Variants in CECR2 observed in about 807,000 individuals in gnomAD.
The protein encoded by CECR2 is chromatin remodeling regulator CECR2.
A neutral mutation model predicts 154.5 loss-of-function variants in CECR2; 30 were observed. That is an observed-to-expected ratio of 0.19 (90% CI 0.15 to 0.26). The LOEUF is 0.26. Among genes scored for constraint, CECR2 ranks in the 10% least tolerant of loss-of-function variants. CECR2 has a pLI of 1.00. For missense variants in CECR2, 1,743 were observed against 1,829.3 expected (o/e 0.95, Z 0.86); for synonymous variants, 725 against 683.7 (o/e 1.06, Z -0.94).
chr22:17,552,623 A>G (rs2056724959), intron 18 of CECR2, among the ~76,000 whole-genome samples: 1 of 152,060 alleles, frequency 6.6e-6, no homozygotes, highest in Non-Finnish European at 1.5e-5. Flanking sequence ...CCCAGTGTGC[A>G]AGTCCTACTA....
intron 7 of CECR2, among the ~76,000 whole-genome samples, chr22:17,510,804 A>G (rs2055933203): frequency 1.3e-5 from 2 of 151,980 alleles, no homozygotes; most frequent in Admixed American, 6.6e-5. Context: ...ATGGGGTTTC[A>G]CCATGTTGGT....
At chr22:17,396,858 G>A (rs1386088820) in intron 1 of CECR2, among the ~76,000 whole-genome samples, 1 of 152,198 alleles carries the variant, frequency 6.6e-6, no homozygotes, top group Non-Finnish European at 1.5e-5. Context: ...ATGACAGGAC[G>A]TGAAGTAGAA....
At position 17,530,161 on chromosome 22, in the gene CECR2, TC is replaced by T. The variant is rs549000685; in HGVS notation, c.1108+5893del. ...TGCTGATGGTCACTCATCTTGGAGT[TC>T]CCTGAATTTTTTTTTTTTTTCAAAA... On this transcript the variant is annotated intron_variant, in intron 9 of 18. Transcript: ENST00000262608. Among the ~76,000 whole-genome samples the T allele has an allele frequency of 4.0e-5, 6 of 148,660 alleles. No individual in the cohort carries two copies. In the South Asian group the frequency reaches 1.3e-3, roughly 31 times the overall value.
rs200102476 is a variant in CECR2, at chr22:17,524,387, CTTTTTTTTTTTT to C, written c.1108+128_1108+139del. On this transcript the variant is annotated intron_variant, in intron 9 of 18. Transcript: ENST00000262608. ...GCATCCAAGTTGTTTCCGGCAATTT[CTTTTTTTTTTTT>C]TTTTTTTTTTTGAGACGGAGTCTCG... The C allele has an allele frequency of 7.1e-5, 28 of 392,366 alleles. 2 individuals are homozygous for C. Among genetic ancestry groups the C allele is most frequent in the South Asian group, 1.2e-4 (5 of 42,964 alleles). The allele number at this position is 392,366 out of a possible 1,614,324, so 24.3% of individuals were successfully genotyped here.
At chr22:17,453,664 C>G (rs894045904) in intron 1 of CECR2, among the ~76,000 whole-genome samples, 3 of 152,148 alleles carry the variant, frequency 2.0e-5, no homozygotes, top group African/African-American at 4.8e-5. Context: ...ATGATACCAA[C>G]ATGACTGGCA....
At chr22:17,437,304 C>T (rs901757049) in intron 1 of CECR2, among the ~76,000 whole-genome samples, 3 of 152,062 alleles carry the variant, frequency 2.0e-5, no homozygotes, top group Non-Finnish European at 4.4e-5. Context: ...TTGTTTCACG[C>T]GTTGTCGGGA....
At chr22:17,381,876 G>A (rs1169865536) in intron 1 of CECR2, among the ~76,000 whole-genome samples, 1 of 145,996 alleles carries the variant, frequency 6.8e-6, no homozygotes, top group Non-Finnish European at 1.5e-5. Context: ...AGGTCAGAGA[G>A]CCCCCACATT....
At chr22:17,446,302 G>C (rs965728372) in intron 1 of CECR2, among the ~76,000 whole-genome samples, 6 of 152,198 alleles carry the variant, frequency 3.9e-5, no homozygotes, top group Non-Finnish European at 4.4e-5. Flanking sequence ...AGTGAGCCTA[G>C]GAGCTATGAT....
At chr22:17,447,661 A>AG (rs985065937) in intron 1 of CECR2, among the ~76,000 whole-genome samples, 1 of 151,394 alleles carries the variant, frequency 6.6e-6, no homozygotes. Flanking sequence ...TTAAAAAAAA[A>AG]AAAGAAAAGC....
chr22:17,462,513 A>G (rs1221304113), intron 1 of CECR2, among the ~76,000 whole-genome samples: 1 of 152,194 alleles, frequency 6.6e-6, no homozygotes, highest in Non-Finnish European at 1.5e-5. Context: ...CACGAAAGCA[A>G]TATTGTCAGA....
intron 9 of CECR2, chr22:17,524,805 AGG>A (rs1394073966): frequency 1.1e-5 from 4 of 354,374 alleles, no homozygotes; most frequent in Non-Finnish European, 1.7e-5. Context: ...CCGAGTAGCT[AGG>A]ACTATAGGCG....
chr22:17,444,174 G>A (rs2054624409), intron 1 of CECR2, among the ~76,000 whole-genome samples: 1 of 152,146 alleles, frequency 6.6e-6, no homozygotes, highest in Non-Finnish European at 1.5e-5. Flanking sequence ...TTCAGGCCCT[G>A]GTGGTTTCTT....
intron 1 of CECR2, among the ~76,000 whole-genome samples, chr22:17,428,824 G>A (rs957916188): frequency 2.7e-5 from 4 of 148,952 alleles, no homozygotes; most frequent in African/African-American, 5.1e-5. Context: ...GTGTGTGTGT[G>A]TGTATATAAA....
chr22:17,518,689 G>A, intron 8 of CECR2: 2 of 444,318 alleles, frequency 4.5e-6, no homozygotes, highest in Non-Finnish European at 9.1e-6. Flanking sequence ...ATGAATTACT[G>A]TTTGCATTCA....
intron 2 of CECR2, among the ~76,000 whole-genome samples, chr22:17,490,950 G>A (rs932937295): frequency 2.1e-4 from 32 of 152,206 alleles, no homozygotes; most frequent in African/African-American, 7.5e-4. Context: ...AGTGTTGTAG[G>A]CCCATCTTAT....
chr22:17,409,130 T>TGTTTG lies in CECR2; in HGVS notation c.126+39221_126+39222insGTTTG, dbSNP rs113276392. Among the ~76,000 whole-genome samples, 169 of 152,082 alleles carry TGTTTG rather than the reference T, an allele frequency of 1.1e-3. 1 individual carries two copies. The highest frequency in any genetic ancestry group is 3.9e-3 in the African/African-American group (160 of 41,440). ...TAAATGTTGTTGTTTTCTTGTTTTT[T>TGTTTG]TTTGTTTGTTTGTTTGTTTTTGAGA... On this transcript the variant is annotated intron_variant, in intron 1 of 18. Coordinates refer to ENST00000262608, the MANE Select transcript of CECR2 (RefSeq NM_001290047.2).
At chr22:17,552,202 ATGACAACCT>A in intron 18 of CECR2, 60 bp downstream of exon 18, 1 of 1,439,400 alleles carries the variant, frequency 6.9e-7, no homozygotes, top group South Asian at 1.1e-5. Context: ...AAGTAAGTAT[ATGACAACCT>A]TGCTGTTCTG....
intron 5 of CECR2, 47 bp downstream of exon 5, chr22:17,500,782 C>A: frequency 7.8e-7 from 1 of 1,282,252 alleles, no homozygotes; most frequent in Non-Finnish European, 1.1e-6. Context: ...GCAGAAGGGA[C>A]CTTAATTCAT....
At chr22:17,463,513 G>T (rs1301077871) in intron 1 of CECR2, among the ~76,000 whole-genome samples, 1 of 152,146 alleles carries the variant, frequency 6.6e-6, no homozygotes, top group Non-Finnish European at 1.5e-5. Flanking sequence ...TAGTCATCAG[G>T]ATTTGTTAAT....
Sources: gnomAD v4.1 joint callset for allele counts (sites outside exome capture counted in the v4.1 genomes callset) on GRCh38, gnomAD v4.1.1 for gene constraint, MANE v1.5 for transcripts, NCBI Gene and HGNC (gene_info 2026-07-23, HGNC 2026-07-21) for gene names.